BMPER: variants seen among roughly 807,000 people sequenced by gnomAD.
BMPER encodes the protein BMP binding endothelial regulator, also known as BMP-binding endothelial regulator protein.
Under a neutral mutation model 87.3 loss-of-function variants are expected in BMPER, and 45 were observed. The observed-to-expected ratio is 0.52, with a 90% confidence interval of 0.41 to 0.66. BMPER has a LOEUF of 0.66. Among genes scored for constraint, BMPER ranks in the 30% least tolerant of loss-of-function variants. The pLI is 0.00. For missense variants in BMPER, 784 were observed against 867.5 expected, an observed-to-expected ratio of 0.90 and a Z score of 1.21; for synonymous variants, 326 against 316.2, an observed-to-expected ratio of 1.03 and a Z score of -0.33.
intron 3 of BMPER, among the ~76,000 whole-genome samples, chr7:33,946,691 C>T (rs1784901868): frequency 6.6e-6 from 1 of 152,304 alleles, no homozygotes; most frequent in Non-Finnish European, 1.5e-5. Context: ...ATAACAGAAT[C>T]CTATCATGAC....
intron 11 of BMPER, among the ~76,000 whole-genome samples, chr7:34,075,358 AAAC>A (rs1334192956): frequency 2.0e-5 from 3 of 152,228 alleles, no homozygotes; most frequent in African/African-American, 7.2e-5. Flanking sequence ...AAATACACAT[AAAC>A]AAGAAAGAGG....
chr7:34,108,773 TG>T (rs1168836861), intron 13 of BMPER, among the ~76,000 whole-genome samples: 1 of 152,234 alleles, frequency 6.6e-6, no homozygotes, highest in Non-Finnish European at 1.5e-5. Flanking sequence ...TGGATTGCAA[TG>T]GGAAAACCCC....
chr7:34,129,602 G>GAA (rs1187150610), intron 13 of BMPER, among the ~76,000 whole-genome samples: 15,313 of 89,340 alleles, frequency 0.17, 1,796 homozygotes, highest in Admixed American at 0.22. Flanking sequence ...GAGAGAGAGA[G>GAA]AGAGAGAAAG....
At chr7:34,003,042 CT>C (rs1189031119) in intron 6 of BMPER, among the ~76,000 whole-genome samples, 1 of 151,558 alleles carries the variant, frequency 6.6e-6, no homozygotes, top group Non-Finnish European at 1.5e-5. Context: ...GGATTTTTAT[CT>C]GATGTTTTGC....
chr7:34,087,832 A>G (rs1453240724), intron 13 of BMPER, among the ~76,000 whole-genome samples: 2 of 152,212 alleles, frequency 1.3e-5, no homozygotes, highest in African/African-American at 2.4e-5. Context: ...GATGTATTGA[A>G]AACAAAAATT....
chr7:33,914,927 T>C (rs1784053527), intron 2 of BMPER, among the ~76,000 whole-genome samples: 1 of 152,170 alleles, frequency 6.6e-6, no homozygotes, highest in Admixed American at 6.5e-5. Context: ...AGGAACTTTC[T>C]CATCTTCTTG....
intron 6 of BMPER, among the ~76,000 whole-genome samples, chr7:34,043,282 G>A (rs1787878066): frequency 6.6e-6 from 1 of 152,188 alleles, no homozygotes; most frequent in Admixed American, 6.5e-5. Flanking sequence ...AGACTTCCAT[G>A]TGGTAACCCA....
intron 6 of BMPER, among the ~76,000 whole-genome samples, chr7:34,012,878 A>G (rs559517556): frequency 1.5e-4 from 23 of 152,106 alleles, no homozygotes; most frequent in Middle Eastern, 3.4e-3. Flanking sequence ...AATGGAATCA[A>G]TGTGAAAACT....
intron 13 of BMPER, among the ~76,000 whole-genome samples, chr7:34,132,970 A>T (rs1034100734): frequency 2.0e-5 from 3 of 147,270 alleles, no homozygotes; most frequent in Non-Finnish European, 1.5e-5. Flanking sequence ...GGCACTAGGG[A>T]AATCTTTTTT....
At chr7:34,105,217 A>G (rs904078366) in intron 13 of BMPER, among the ~76,000 whole-genome samples, 1 of 152,208 alleles carries the variant, frequency 6.6e-6, no homozygotes, top group African/African-American at 2.4e-5. Flanking sequence ...AACTGGAAGC[A>G]TGACGTGCAC....
intron 6 of BMPER, among the ~76,000 whole-genome samples, chr7:34,032,821 T>C (rs1787564290): frequency 1.3e-5 from 2 of 152,140 alleles, no homozygotes; most frequent in Admixed American, 1.3e-4. Context: ...CATGTTTTAT[T>C]AGTGTTGGAG....
At chr7:33,923,238 A>G (rs978706579) in intron 2 of BMPER, among the ~76,000 whole-genome samples, 1 of 152,210 alleles carries the variant, frequency 6.6e-6, no homozygotes, top group Non-Finnish European at 1.5e-5. Flanking sequence ...GACTCAGTAT[A>G]ACAGAGAAGA....
intron 2 of BMPER, among the ~76,000 whole-genome samples, chr7:33,911,058 C>G (rs1783949743): frequency 6.6e-6 from 1 of 152,232 alleles, no homozygotes; most frequent in South Asian, 2.1e-4. Context: ...GTACTGCACT[C>G]AGTATATGCA....
intron 11 of BMPER, among the ~76,000 whole-genome samples, chr7:34,078,130 T>A: frequency 6.6e-6 from 1 of 152,230 alleles, no homozygotes; most frequent in East Asian, 1.9e-4. Flanking sequence ...AGTATTTGAA[T>A]TAATGATATT....
At chr7:34,031,071 G>T (rs1787506502) in intron 6 of BMPER, among the ~76,000 whole-genome samples, 1 of 152,108 alleles carries the variant, frequency 6.6e-6, no homozygotes, top group Non-Finnish European at 1.5e-5. Flanking sequence ...ACGACAATTA[G>T]CTGGAAGAAT....
At chr7:34,114,433 A>G (rs544426478) in intron 13 of BMPER, among the ~76,000 whole-genome samples, 98 of 152,338 alleles carry the variant, frequency 6.4e-4, no homozygotes, top group Non-Finnish European at 1.2e-3. Context: ...TTGATTGACC[A>G]TTAATAAAAC....
chr7:33,937,409 C>A (rs1471337313), intron 3 of BMPER, 21 bp downstream of exon 3: 2 of 1,606,682 alleles, frequency 1.2e-6, no homozygotes, highest in Non-Finnish European at 8.5e-7. Flanking sequence ...TCTTGGCCGT[C>A]TTCTCTTCTG....
chr7:33,915,749 A>G (rs1784075978), intron 2 of BMPER, among the ~76,000 whole-genome samples: 1 of 152,204 alleles, frequency 6.6e-6, no homozygotes, highest in South Asian at 2.1e-4. Context: ...TGTAAATGAA[A>G]TTGTTATTAA....
rs567629945 is a variant in BMPER at position 33,941,854 on chromosome 7, T to G, written c.319+4466T>G. 3.3e-5 allele frequency among the ~76,000 whole-genome samples: 5 copies of G among 152,312 alleles called. No individual in the cohort carries two copies. In the South Asian group the frequency reaches 1.0e-3, roughly 32 times the overall value. On this transcript the variant is annotated intron_variant, in intron 3 of 14. Transcript: ENST00000649409. The stretch of plus-strand genomic sequence containing the variant: ...CAGGCAGGGGTTGGGGACCCTTGAC[T>G]TAACACATTGTAACAGGAGCACTGA...
Sources: allele counts gnomAD v4.1 joint callset (sites outside exome capture counted in the v4.1 genomes callset), GRCh38; gene constraint gnomAD v4.1.1; transcripts MANE v1.5; gene names NCBI Gene and HGNC (gene_info 2026-07-23, HGNC 2026-07-21).